Variants in NCAM2 observed in about 807,000 individuals in gnomAD.
NCAM2 encodes neural cell adhesion molecule 2.
In NCAM2, 30 loss-of-function variants were observed where a neutral mutation model predicts 98.1. That is an observed-to-expected ratio of 0.31 (90% CI 0.23 to 0.41). NCAM2 has a LOEUF of 0.41. NCAM2 is among the 10% of genes least tolerant of loss of function. The pLI, the probability that NCAM2 is intolerant of heterozygous loss-of-function variation, is 1.00. For missense variants in NCAM2, 867 were observed against 1,005.8 expected (o/e 0.86, Z 1.87); for synonymous variants, 368 against 342.4 (o/e 1.07, Z -0.83).
intron 8 of NCAM2, among the ~76,000 whole-genome samples, chr21:21,363,271 T>C (rs2075694599): frequency 6.6e-6 from 1 of 152,128 alleles, no homozygotes; most frequent in Non-Finnish European, 1.5e-5. Context: ...TGGAGATTTA[T>C]TGTGACATAA....
intron 1 of NCAM2, among the ~76,000 whole-genome samples, chr21:21,173,885 C>T (rs902910377): frequency 6.6e-6 from 1 of 152,176 alleles, no homozygotes; most frequent in South Asian, 2.1e-4. Context: ...GTTGCAAGAC[C>T]TAGGATTGGC....
intron 2 of NCAM2, among the ~76,000 whole-genome samples, chr21:21,281,740 T>C (rs2072937609): frequency 6.6e-6 from 1 of 151,958 alleles, no homozygotes; most frequent in Non-Finnish European, 1.5e-5. Flanking sequence ...GAATTGTTTC[T>C]AATCTTGATT....
chr21:21,298,551 A>G (rs1342655888), intron 5 of NCAM2, among the ~76,000 whole-genome samples: 1 of 151,494 alleles, frequency 6.6e-6, no homozygotes, highest in Non-Finnish European at 1.5e-5. Context: ...TTACTTCAGA[A>G]ATTTTTAGTT....
intron 1 of NCAM2, among the ~76,000 whole-genome samples, chr21:21,146,186 G>C (rs547075575): frequency 6.6e-6 from 1 of 152,164 alleles, no homozygotes; most frequent in Non-Finnish European, 1.5e-5. Flanking sequence ...ATTGGTTACT[G>C]AGTAAAATAT....
At chr21:21,193,031 C>T (rs894676138) in intron 1 of NCAM2, among the ~76,000 whole-genome samples, 4 of 152,126 alleles carry the variant, frequency 2.6e-5, no homozygotes, top group African/African-American at 9.7e-5. Flanking sequence ...TTCAGATTAA[C>T]TTTTCTATTT....
intron 1 of NCAM2, among the ~76,000 whole-genome samples, chr21:21,066,524 A>T (rs925533015): frequency 6.6e-6 from 1 of 152,152 alleles, no homozygotes; most frequent in African/African-American, 2.4e-5. Flanking sequence ...CAGCTAAAAA[A>T]TGATGTAGCT....
rs539585622 is a variant in NCAM2, at chr21:21,317,699, A to AT, written c.620-6678dup. 1.6e-4 allele frequency among the ~76,000 whole-genome samples: 24 copies of AT among 151,686 alleles called. No homozygotes were observed. The Middle Eastern group carries it at 0.01, about 65-fold the overall frequency. On this transcript the variant is annotated intron_variant, in intron 5 of 17. Coordinates refer to ENST00000400546, the MANE Select transcript of NCAM2 (RefSeq NM_004540.5). ...AGGCACACACCATCCTATCCTGCTAATTTTTTCTATTTTTTTGTAGCGACA... is the reference window on the plus strand; with the variant it reads ...AGGCACACACCATCCTATCCTGCTAATTTTTTTCTATTTTTTTGTAGCGACA...
At chr21:21,198,184 A>ATG (rs10600265) in intron 1 of NCAM2, among the ~76,000 whole-genome samples, 1,714 of 146,302 alleles carry the variant, frequency 0.012, 22 homozygotes, top group Middle Eastern at 0.056. Flanking sequence ...TGTAAAGTAT[A>ATG]TGTGTGTGTG....
chr21:21,184,998 T>C (rs2068593740), intron 1 of NCAM2, among the ~76,000 whole-genome samples: 2 of 152,128 alleles, frequency 1.3e-5, no homozygotes, highest in African/African-American at 4.8e-5. Context: ...ATTTAGTCAG[T>C]GTGGACAAGT....
At chr21:21,013,576 G>A (rs2064248871) in intron 1 of NCAM2, among the ~76,000 whole-genome samples, 2 of 152,114 alleles carry the variant, frequency 1.3e-5, no homozygotes, top group South Asian at 4.1e-4. Context: ...GAGGTCAGGA[G>A]TTCGAGACCA....
intron 1 of NCAM2, among the ~76,000 whole-genome samples, chr21:21,132,590 A>T (rs1448212895): frequency 1.3e-5 from 2 of 152,156 alleles, no homozygotes; most frequent in Non-Finnish European, 2.9e-5. Context: ...ATTGTAGCAC[A>T]GTCCCTACAC....
At chr21:21,500,930 A>T (rs1009690538) in intron 15 of NCAM2, among the ~76,000 whole-genome samples, 5 of 152,058 alleles carry the variant, frequency 3.3e-5, no homozygotes, top group Admixed American at 6.6e-5. Flanking sequence ...ATACTGGAAG[A>T]ACATTATGAA....
intron 1 of NCAM2, among the ~76,000 whole-genome samples, chr21:21,158,090 A>T (rs1358860385): frequency 6.6e-6 from 1 of 152,158 alleles, no homozygotes; most frequent in Admixed American, 6.6e-5. Context: ...TAGTTGTTGA[A>T]CTGCAGAAGG....
intron 1 of NCAM2, among the ~76,000 whole-genome samples, chr21:21,120,788 G>A (rs140830729): frequency 3.4e-5 from 5 of 148,956 alleles, no homozygotes; most frequent in African/African-American, 9.9e-5. Flanking sequence ...GCGCAATCTC[G>A]GCTCACTGCA....
chr21:21,096,041 C>G (rs2066116210), intron 1 of NCAM2, among the ~76,000 whole-genome samples: 1 of 151,568 alleles, frequency 6.6e-6, no homozygotes, highest in Non-Finnish European at 1.5e-5. Flanking sequence ...ACCTCAATTA[C>G]CCTATGGGAC....
chr21:21,304,049 C>A (rs1175151920), intron 5 of NCAM2, among the ~76,000 whole-genome samples: 1 of 151,976 alleles, frequency 6.6e-6, no homozygotes, highest in African/African-American at 2.4e-5. Flanking sequence ...ATATTTTTAT[C>A]CAATCTGTGG....
At chr21:21,505,553 G>A (rs1464690630) in intron 15 of NCAM2, among the ~76,000 whole-genome samples, 1 of 151,936 alleles carries the variant, frequency 6.6e-6, no homozygotes, top group Admixed American at 6.6e-5. Context: ...GTCACAGGAT[G>A]AAATACTTGT....
At chr21:21,053,709 T>G (rs548738589) in intron 1 of NCAM2, among the ~76,000 whole-genome samples, 31 of 151,664 alleles carry the variant, frequency 2.0e-4, no homozygotes, top group African/African-American at 6.7e-4. Flanking sequence ...AGTTTTATTT[T>G]TATTTACTCC....
rs1437096305 is a variant in NCAM2 at position 21,539,384 on chromosome 21, G to A, written c.*1427G>A. 1 of 152,086 alleles carries A rather than the reference G, an allele frequency of 6.6e-6. No individual in the cohort carries two copies. The highest frequency in any genetic ancestry group is 2.4e-5 in the African/African-American group (1 of 41,424). 9.4% of individuals were successfully genotyped at this position (152,086 alleles called of 1,614,324 possible). A position where few individuals can be genotyped will look rare whatever the true frequency, so the allele number is the denominator to read the frequency against. On this transcript the variant is annotated 3_prime_UTR_variant, in exon 18 of 18. Transcript: ENST00000400546. Reference sequence around the variant, plus strand: ...ATTCAGAACCTTTGGTGTTTCAGGTGGTATTATAGCTCAAATAGTGACAGG... The same window carrying A: ...ATTCAGAACCTTTGGTGTTTCAGGTAGTATTATAGCTCAAATAGTGACAGG...
Sources: allele counts gnomAD v4.1 joint callset (sites outside exome capture counted in the v4.1 genomes callset), GRCh38; gene constraint gnomAD v4.1.1; transcripts MANE v1.5; gene names NCBI Gene and HGNC (gene_info 2026-07-23, HGNC 2026-07-21).